The following FRAS1 variants were observed in gnomAD, a reference collection of about 807,000 sequenced individuals.
FRAS1 encodes Fraser extracellular matrix complex subunit 1, also known as extracellular matrix organizing protein FRAS1.
A neutral mutation model predicts 435.2 loss-of-function variants in FRAS1; 290 were observed. The ratio of observed to expected loss-of-function variants is 0.67; its 90% CI spans 0.61 to 0.73. The LOEUF is 0.73. Ranked by LOEUF, FRAS1 falls within the 30% of genes least tolerant of loss-of-function variation. The probability of loss-of-function intolerance (pLI) is 0.00; values close to 1 mark genes in which losing one functional copy is unlikely to be tolerated. For missense variants in FRAS1, 4,860 were observed against 5,001.5 expected (o/e 0.97, Z 0.85); for synonymous variants, 1,800 against 1,851.0 (o/e 0.97, Z 0.71).
chr4:78,232,951 A>T (rs1560593727), intron 2 of FRAS1, among the ~76,000 whole-genome samples: 1 of 152,224 alleles, frequency 6.6e-6, no homozygotes, highest in Non-Finnish European at 1.5e-5. Flanking sequence ...CTAAGCCCAG[A>T]TACATTTAAA....
intron 2 of FRAS1, among the ~76,000 whole-genome samples, chr4:78,129,243 T>C (rs951809135): frequency 6.6e-6 from 1 of 152,218 alleles, no homozygotes; most frequent in African/African-American, 2.4e-5. Context: ...TGTGGGCTCT[T>C]TTTTGGTTCC....
At position 78,284,460 on chromosome 4, in the gene FRAS1, C is replaced by T; in HGVS notation, c.1311C>T (p.Leu437=). ...CTCAGTCTCCAGACCACTGTGACCT[C>T]TGCCAAGATCCTACCAAGTTACTGC... is the stretch of plus-strand genomic sequence containing the variant. ...TCSQSPDHCD[L]CQDPTKLLQN... Residue 437 remains leucine, a synonymous_variant, in exon 13 of 74, where the codon CTC becomes CTT. Transcript: ENST00000512123. 6.2e-7 allele frequency: 1 copy of T among 1,613,934 alleles called. No homozygotes were observed. The highest frequency in any genetic ancestry group is 1.3e-5 in the African/African-American group (1 of 75,044).
chr4:78,129,230 C>T (rs911631161), intron 2 of FRAS1, among the ~76,000 whole-genome samples: 9 of 152,144 alleles, frequency 5.9e-5, no homozygotes, highest in South Asian at 2.1e-4. Context: ...ATTGACTTGG[C>T]GATGTGGGCT....
chr4:78,077,221 T>C (rs928333172), intron 2 of FRAS1, among the ~76,000 whole-genome samples: 53 of 129,616 alleles, frequency 4.1e-4, no homozygotes, highest in African/African-American at 1.7e-3. Flanking sequence ...CACACACACA[T>C]TAGCTGAGTG....
At chr4:78,373,212 T>C (rs759974296) in intron 24 of FRAS1, among the ~76,000 whole-genome samples, 4 of 152,094 alleles carry the variant, frequency 2.6e-5, no homozygotes, top group Middle Eastern at 3.4e-3. Context: ...GAAGACCCGA[T>C]TATTTCACTA....
chr4:78,110,450 G>A (rs1445632823), intron 2 of FRAS1, among the ~76,000 whole-genome samples: 2 of 97,460 alleles, frequency 2.1e-5, no homozygotes, highest in African/African-American at 9.0e-5. Context: ...AATGCCGCAT[G>A]TCTACAACTA....
intron 2 of FRAS1, among the ~76,000 whole-genome samples, chr4:78,162,827 T>C (rs1721194195): frequency 6.6e-6 from 1 of 152,214 alleles, no homozygotes. Flanking sequence ...TTGTTAGACA[T>C]GGTTTTAATT....
Position 78,470,026 on chromosome 4 carries a change from G to A in FRAS1, c.7306G>A (p.Asp2436Asn), listed in dbSNP as rs1193856767. 6.2e-7 allele frequency: 1 copy of A among 1,613,690 alleles called. No individual in the cohort carries two copies. The highest frequency in any genetic ancestry group is 1.3e-5 in the African/African-American group (1 of 74,898). The change falls in exon 51 of 74, where the codon GAT becomes AAT. Residue 2436 changes from aspartate (D) to asparagine (N), a missense_variant. Asp to Asn is a conservative substitution (Grantham distance 23). Coordinates refer to ENST00000512123, the MANE Select transcript of FRAS1 (RefSeq NM_025074.7). Reference sequence around the variant, plus strand: ...GTTCCGAGTAGACATCCTCCCGGTAGATGATGGCACGCCTAGAATTGTCAC... The same window carrying A: ...GTTCCGAGTAGACATCCTCCCGGTAAATGATGGCACGCCTAGAATTGTCAC... ...QPFRVDILPV[D>N]DGTPRIVTNL...
chr4:78,376,939 A>T (rs1278491393), intron 26 of FRAS1, among the ~76,000 whole-genome samples: 1 of 152,126 alleles, frequency 6.6e-6, no homozygotes, highest in Non-Finnish European at 1.5e-5. Flanking sequence ...GGTTGTGGTG[A>T]GCCGAGATCA....
intron 2 of FRAS1, chr4:78,180,902 A>T: frequency 1.2e-6 from 2 of 1,604,624 alleles, no homozygotes. Context: ...GGTCATCCAC[A>T]TCAGGAGCAG....
intron 2 of FRAS1, among the ~76,000 whole-genome samples, chr4:78,123,242 C>T (rs1719131141): frequency 6.6e-6 from 1 of 152,114 alleles, no homozygotes; most frequent in South Asian, 2.1e-4. Context: ...GAATCTTTTC[C>T]CCATTGCTTT....
At chr4:78,343,888 T>C (rs1348955291) in intron 20 of FRAS1, among the ~76,000 whole-genome samples, 1 of 152,160 alleles carries the variant, frequency 6.6e-6, no homozygotes, top group East Asian at 1.9e-4. Flanking sequence ...GCTTCTACTG[T>C]GCGGGGGAGG....
chr4:78,126,133 C>T lies in FRAS1; in HGVS notation c.108+60117C>T, dbSNP rs1578141102. 2.0e-5 allele frequency among the ~76,000 whole-genome samples: 3 copies of T among 152,298 alleles called. No individual in the cohort carries two copies. In the South Asian group the frequency reaches 6.2e-4, roughly 32 times the overall value. ...CAGATGCCCCTCTGCCTGCCAAGCT[C>T]CAGCATCCCAGGTTGATCTCAGACT... On this transcript the variant is annotated intron_variant, in intron 2 of 73. Coordinates refer to ENST00000512123, the MANE Select transcript of FRAS1 (RefSeq NM_025074.7).
At chr4:78,252,325 A>C (rs1234806473) in intron 4 of FRAS1, 67 bp from the exon 5 acceptor site, 1 of 1,467,116 alleles carries the variant, frequency 6.8e-7, no homozygotes, top group Admixed American at 1.8e-5. Flanking sequence ...ATTTGTTTCT[A>C]TTTGGCTGAA....
At position 78,108,865 on chromosome 4, in the gene FRAS1, GA is replaced by G. The variant is rs527446797; in HGVS notation, c.108+42856del. On this transcript the variant is annotated intron_variant, in intron 2 of 73. Coordinates refer to ENST00000512123, the MANE Select transcript of FRAS1 (RefSeq NM_025074.7). ...GATAGACCGCTAGCAAGATGACAAA[GA>G]AAAAAAGAGAGAAGAATCAAATAGA... Among the ~76,000 whole-genome samples, 25 of 129,400 alleles carry G rather than the reference GA, an allele frequency of 1.9e-4. No homozygotes were observed. The East Asian group carries it at 4.7e-3, about 24-fold the overall frequency. The allele number at this position is 129,400 out of a possible 152,430, so 84.9% of individuals were successfully genotyped here.
chr4:78,167,694 G>A (rs1239999297), intron 2 of FRAS1, among the ~76,000 whole-genome samples: 1 of 151,992 alleles, frequency 6.6e-6, no homozygotes, highest in East Asian at 1.9e-4. Context: ...GATTGGTTAA[G>A]TCATTTACCC....
At chr4:78,172,853 G>A (rs903713777) in intron 2 of FRAS1, among the ~76,000 whole-genome samples, 1 of 151,342 alleles carries the variant, frequency 6.6e-6, no homozygotes, top group African/African-American at 2.4e-5. Flanking sequence ...AGAGCTCTTT[G>A]GGGCCCCTTT....
At chr4:78,182,693 C>T (rs370325367) in intron 2 of FRAS1, among the ~76,000 whole-genome samples, 2 of 151,974 alleles carry the variant, frequency 1.3e-5, no homozygotes, top group African/African-American at 4.8e-5. Context: ...GCCTGGCCAA[C>T]GTGGTGAAAC....
Position 78,541,028 on chromosome 4 carries a change from G to A in FRAS1, c.11943G>A (p.Glu3981=), listed in dbSNP as rs1248102404. 1.3e-6 allele frequency: 2 copies of A among 1,514,184 alleles called. No homozygotes were observed. The highest frequency in any genetic ancestry group is 1.4e-5 in the South Asian group (1 of 73,050). The allele number at this position is 1,514,184 out of a possible 1,614,324, so 93.8% of individuals were successfully genotyped here. A position where few individuals can be genotyped will look rare whatever the true frequency, so the allele number is the denominator to read the frequency against. The change falls in exon 74 of 74, where the codon GAG becomes GAA. Residue 3981 remains glutamate, a synonymous_variant. Transcript: ENST00000512123. The part of the protein sequence containing the change: ...CTVRNVNILS[E]PEAAYTFKGA... The stretch of plus-strand genomic sequence containing the variant: ...TGCGGAACGTCAACATCCTGAGTGA[G>A]CCTGAGGCGGCTTACACGTTCAAAG...
Sources: gnomAD v4.1 joint callset for allele counts (sites outside exome capture counted in the v4.1 genomes callset) on GRCh38, gnomAD v4.1.1 for gene constraint, MANE v1.5 for transcripts, NCBI Gene and HGNC (gene_info 2026-07-23, HGNC 2026-07-21) for gene names.